COL19A1: variants seen among roughly 807,000 people sequenced by gnomAD.
The protein encoded by COL19A1 is collagen type XIX alpha 1 chain, also known as collagen alpha-1(XIX) chain.
COL19A1 carries 159 observed loss-of-function variants against 190.2 expected under a neutral mutation model. That is an observed-to-expected ratio of 0.84 (90% CI 0.73 to 0.95). The LOEUF is 0.95. COL19A1 is among the 40% of genes least tolerant of loss of function. The pLI is 0.00. For synonymous variants in COL19A1, 509 were observed against 458.9 expected (o/e 1.11, Z -1.39); for missense variants, 1,418 against 1,431.9 (o/e 0.99, Z 0.16).
At chr6:70,168,141 T>G in intron 38 of COL19A1, 30 bp from the exon 39 acceptor site, 1 of 1,611,722 alleles carries the variant, frequency 6.2e-7, no homozygotes, top group Non-Finnish European at 8.5e-7. Context: ...CATCTTTCTC[T>G]TTTTCTTTTC....
intron 11 of COL19A1, among the ~76,000 whole-genome samples, chr6:69,986,034 G>A (rs1433079051): frequency 1.3e-5 from 2 of 151,790 alleles, no homozygotes; most frequent in African/African-American, 4.8e-5. Flanking sequence ...ATTTGAATAT[G>A]TTTGTCTTGC....
At chr6:69,981,081 A>C (rs1231311112) in intron 11 of COL19A1, among the ~76,000 whole-genome samples, 1 of 152,190 alleles carries the variant, frequency 6.6e-6, no homozygotes, top group Non-Finnish European at 1.5e-5. Context: ...TCCTAACACA[A>C]ATTCTGTTAA....
chr6:70,020,611 A>G (rs976241133), intron 11 of COL19A1, among the ~76,000 whole-genome samples: 1 of 152,146 alleles, frequency 6.6e-6, no homozygotes, highest in Non-Finnish European at 1.5e-5. Flanking sequence ...TTCATGCTAT[A>G]TATCAGTGGT....
At chr6:69,903,145 A>G (rs1376219356) in intron 4 of COL19A1, among the ~76,000 whole-genome samples, 3 of 152,212 alleles carry the variant, frequency 2.0e-5, no homozygotes, top group Admixed American at 6.5e-5. Flanking sequence ...GGTGATCACT[A>G]TCTACACTGC....
At chr6:70,128,525 A>G (rs1312511391) in intron 17 of COL19A1, among the ~76,000 whole-genome samples, 2 of 152,192 alleles carry the variant, frequency 1.3e-5, no homozygotes, top group Admixed American at 1.3e-4. Flanking sequence ...CAGCAAAGAT[A>G]TTATTATTAA....
At chr6:70,151,233 CA>C (rs1243790532) in intron 30 of COL19A1, among the ~76,000 whole-genome samples, 163 bp from the exon 31 acceptor site, 4 of 152,110 alleles carry the variant, frequency 2.6e-5, no homozygotes, top group African/African-American at 9.7e-5. Context: ...GTGCCATGTG[CA>C]CATTTCTTTA....
chr6:70,004,120 T>C (rs1277657415), intron 11 of COL19A1, among the ~76,000 whole-genome samples: 1 of 152,198 alleles, frequency 6.6e-6, no homozygotes, highest in Admixed American at 6.5e-5. Flanking sequence ...TTATTTCTCC[T>C]TCACTTATGA....
At chr6:70,106,371 A>G (rs1783966139) in intron 16 of COL19A1, among the ~76,000 whole-genome samples, 1 of 151,246 alleles carries the variant, frequency 6.6e-6, no homozygotes, top group Non-Finnish European at 1.5e-5. Flanking sequence ...TAAGAGGACA[A>G]CGTTTTGTCC....
intron 14 of COL19A1, among the ~76,000 whole-genome samples, chr6:70,053,934 A>C (rs1372787063): frequency 6.6e-6 from 1 of 152,244 alleles, no homozygotes. Flanking sequence ...TAAATATTTA[A>C]GGATCCACTC....
intron 1 of COL19A1, among the ~76,000 whole-genome samples, chr6:69,871,728 T>C (rs1400642112): frequency 1.3e-5 from 2 of 152,142 alleles, no homozygotes; most frequent in Non-Finnish European, 1.5e-5. Context: ...AAAATGTTAA[T>C]GTTTCACAGG....
At chr6:70,152,770 C>A (rs1036573048) in intron 31 of COL19A1, among the ~76,000 whole-genome samples, 1 of 152,108 alleles carries the variant, frequency 6.6e-6, no homozygotes, top group African/African-American at 2.4e-5. Context: ...GTCCTAGATT[C>A]TTTACAAGAC....
rs1783681401 is a variant in COL19A1, at chr6:70,102,233, AATACAAT to A, written c.1278+12_1278+18del. The stretch of plus-strand genomic sequence containing the variant: ...CCCCCAGGACCACCTGTGAGTAAAC[AATACAAT>A]GACTGTCCCTTTAAAGAGTCTGTCT... On this transcript the variant is annotated intron_variant, in intron 16 of 50. Transcript: ENST00000620364. The A allele has an allele frequency of 6.3e-7, 1 of 1,588,906 alleles. No individual in the cohort carries two copies. The highest frequency in any genetic ancestry group is 8.6e-7 in the Non-Finnish European group (1 of 1,157,282).
chr6:69,899,165 ATTT>A (rs112888229), intron 3 of COL19A1, 143 bp downstream of exon 3: 1,520 of 422,508 alleles, frequency 3.6e-3, no homozygotes, highest in South Asian at 5.4e-3. Context: ...ATTCTTTTTA[ATTT>A]TTTTTTTTTT....
intron 11 of COL19A1, among the ~76,000 whole-genome samples, chr6:69,996,333 C>A (rs921881817): frequency 2.0e-5 from 3 of 152,128 alleles, no homozygotes; most frequent in Non-Finnish European, 4.4e-5. Context: ...GTCACTAGAT[C>A]ACAATTACAG....
In COL19A1 at chr6:70,154,078, G is replaced by A. The variant is rs531335097; in HGVS notation, c.2080-2049G>A. ...ACCCATCAACCCGTCATCTACATTA[G>A]GTATTTCTCCTAATGCTATCCCTCC... is the stretch of plus-strand genomic sequence containing the variant. On this transcript the variant is annotated intron_variant, in intron 31 of 50. Coordinates refer to ENST00000620364, the MANE Select transcript of COL19A1 (RefSeq NM_001858.6). Among the ~76,000 whole-genome samples, 23 of 151,900 alleles carry A rather than the reference G, an allele frequency of 1.5e-4. No individual in the cohort carries two copies. In the South Asian group the frequency reaches 4.2e-3, roughly 27 times the overall value.
intron 16 of COL19A1, among the ~76,000 whole-genome samples, chr6:70,107,994 T>C (rs921066051): frequency 6.6e-6 from 1 of 152,146 alleles, no homozygotes; most frequent in Admixed American, 6.6e-5. Flanking sequence ...TAGACTTATG[T>C]TATGATAATG....
intron 19 of COL19A1, 130 bp from the exon 20 acceptor site, chr6:70,140,824 C>T: frequency 1.3e-6 from 1 of 785,756 alleles, no homozygotes; most frequent in South Asian, 1.5e-5. Flanking sequence ...GACTGTGTGA[C>T]ACTCTGGGTA....
chr6:70,139,471 C>T (rs1249181741), intron 19 of COL19A1, among the ~76,000 whole-genome samples: 2 of 152,028 alleles, frequency 1.3e-5, no homozygotes, highest in Non-Finnish European at 2.9e-5. Flanking sequence ...CCCTATTCAT[C>T]CCTTAATTAT....
At chr6:70,135,050 T>A (rs1477248660) in intron 18 of COL19A1, among the ~76,000 whole-genome samples, 2 of 152,220 alleles carry the variant, frequency 1.3e-5, no homozygotes, top group South Asian at 2.1e-4. Context: ...TTTGCTGGAA[T>A]GGCTCACAGA....
Sources: gnomAD v4.1 joint callset for allele counts (sites outside exome capture counted in the v4.1 genomes callset) on GRCh38, gnomAD v4.1.1 for gene constraint, MANE v1.5 for transcripts, NCBI Gene and HGNC (gene_info 2026-07-23, HGNC 2026-07-21) for gene names.